Variants in LRRC28 observed in about 807,000 individuals in gnomAD.
LRRC28 encodes the protein leucine-rich repeat-containing protein 28.
In LRRC28, 39 loss-of-function variants were observed where a neutral mutation model predicts 45.7. The ratio of observed to expected loss-of-function variants is 0.85; its 90% CI spans 0.66 to 1.12. The LOEUF (loss-of-function observed/expected upper bound fraction) is 1.12. LRRC28 is among the 50% of genes most tolerant of loss of function. The pLI is 0.00. For synonymous variants in LRRC28, 206 were observed against 178.8 expected, an observed-to-expected ratio of 1.15 and a Z score of -1.22; for missense variants, 435 against 438.5, an observed-to-expected ratio of 0.99 and a Z score of 0.07.
chr15:99,382,248 G>A (rs1957851244), intron 9 of LRRC28, among the ~76,000 whole-genome samples: 1 of 152,192 alleles, frequency 6.6e-6, no homozygotes, highest in African/African-American at 2.4e-5. Flanking sequence ...CCCTCCCCCA[G>A]CCTCACTGCC....
chr15:99,315,236 C>T (rs1955551978), intron 5 of LRRC28, among the ~76,000 whole-genome samples: 2 of 152,168 alleles, frequency 1.3e-5, no homozygotes, highest in African/African-American at 2.4e-5. Flanking sequence ...AGGACAGCAG[C>T]GATCAACAGA....
chr15:99,376,222 A>G (rs1957627272), intron 9 of LRRC28, among the ~76,000 whole-genome samples: 2 of 151,898 alleles, frequency 1.3e-5, no homozygotes, highest in African/African-American at 4.8e-5. Context: ...TGACCTATGG[A>G]AGTGTGGTCA....
At chr15:99,265,511 C>G (rs2081309007) in intron 2 of LRRC28, among the ~76,000 whole-genome samples, 1 of 152,128 alleles carries the variant, frequency 6.6e-6, no homozygotes, top group Non-Finnish European at 1.5e-5. Context: ...ATGACACGGT[C>G]TTAGTGTGCA....
intron 6 of LRRC28, among the ~76,000 whole-genome samples, chr15:99,337,109 G>T (rs1455469098): frequency 6.6e-6 from 1 of 152,160 alleles, no homozygotes; most frequent in African/African-American, 2.4e-5. Flanking sequence ...CTTCACCTTT[G>T]CCTATTCTCC....
intron 2 of LRRC28, among the ~76,000 whole-genome samples, chr15:99,263,428 A>G (rs1328325523): frequency 6.6e-6 from 1 of 152,168 alleles, no homozygotes; most frequent in Non-Finnish European, 1.5e-5. Flanking sequence ...AATGCAATTT[A>G]GGAATTAAGT....
At chr15:99,259,813 G>C in intron 2 of LRRC28, 1 of 907,850 alleles carries the variant, frequency 1.1e-6, no homozygotes. Context: ...TCTTTTACCA[G>C]ACACTAAAGC....
chr15:99,339,934 G>GT (rs1368028302), intron 6 of LRRC28, among the ~76,000 whole-genome samples: 1 of 152,182 alleles, frequency 6.6e-6, no homozygotes, highest in Non-Finnish European at 1.5e-5. Context: ...GTTATTCTGT[G>GT]TATCAAGGAC....
At chr15:99,324,388 T>C (rs1955900275) in intron 5 of LRRC28, among the ~76,000 whole-genome samples, 2 of 152,184 alleles carry the variant, frequency 1.3e-5, no homozygotes, top group African/African-American at 4.8e-5. Context: ...GATTTCTGTA[T>C]GTTCTCAACC....
At chr15:99,265,440 T>C (rs145764187) in intron 2 of LRRC28, among the ~76,000 whole-genome samples, 354 of 152,246 alleles carry the variant, frequency 2.3e-3, no homozygotes, top group African/African-American at 7.8e-3. Flanking sequence ...GAGTAAGCCA[T>C]CTGGGGTATG....
intron 9 of LRRC28, among the ~76,000 whole-genome samples, chr15:99,382,910 T>G (rs1245170510): frequency 3.3e-5 from 5 of 152,118 alleles, no homozygotes; most frequent in Non-Finnish European, 5.9e-5. Flanking sequence ...CCCAATTCTA[T>G]TTTTGGATTT....
chr15:99,258,697 AT>A, intron 2 of LRRC28: 1 of 717,430 alleles, frequency 1.4e-6, no homozygotes, highest in Non-Finnish European at 2.6e-6. Flanking sequence ...TCTGCAAATC[AT>A]TTTCAAAGGA....
chr15:99,360,070 GA>G (rs1031437698), intron 7 of LRRC28, among the ~76,000 whole-genome samples: 4 of 150,134 alleles, frequency 2.7e-5, no homozygotes, highest in South Asian at 2.1e-4. Context: ...ACAAAACAAA[GA>G]AAAAAAAACC....
chr15:99,258,629 T>C (rs532429555), intron 2 of LRRC28: 17 of 752,898 alleles, frequency 2.3e-5, no homozygotes, highest in Non-Finnish European at 4.1e-5. Context: ...AACTTATGAA[T>C]GATATCAAAC....
rs1398938533 is a variant in LRRC28, at chr15:99,390,310, T to G, written c.*4208T>G. ...AAGTATGACTGTATGTGTGGTCCCCTTGTACTTTGGAGACAGAAGGTACTG... is the reference window on the plus strand; with the variant it reads ...AAGTATGACTGTATGTGTGGTCCCCGTGTACTTTGGAGACAGAAGGTACTG... On this transcript the variant is annotated 3_prime_UTR_variant, in exon 10 of 10. Coordinates refer to ENST00000301981, the MANE Select transcript of LRRC28 (RefSeq NM_144598.5). 2 of 152,264 alleles carry G rather than the reference T, an allele frequency of 1.3e-5. No individual in the cohort carries two copies. Among genetic ancestry groups the G allele is most frequent in the Non-Finnish European group, 2.9e-5 (2 of 68,048 alleles). 9.4% of individuals were successfully genotyped at this position (152,264 alleles called of 1,614,324 possible). A position where few individuals can be genotyped will look rare whatever the true frequency, so the allele number is the denominator to read the frequency against.
In LRRC28 at chr15:99,387,091, C is replaced by A. The variant is rs62025385; in HGVS notation, c.*989C>A. On this transcript the variant is annotated 3_prime_UTR_variant, in exon 10 of 10. Coordinates refer to ENST00000301981, the MANE Select transcript of LRRC28 (RefSeq NM_144598.5). The stretch of plus-strand genomic sequence containing the variant: ...TTTTGTTGTTGTTGAGACGGAGTCT[C>A]GCTCTGTCGCCCAGGCTGGAGTGCA... 2 of 151,438 alleles carry A rather than the reference C, an allele frequency of 1.3e-5. No individual in the cohort carries two copies. Among genetic ancestry groups the A allele is most frequent in the Non-Finnish European group, 2.9e-5 (2 of 67,822 alleles). 9.4% of individuals were successfully genotyped at this position (151,438 alleles called of 1,614,324 possible). A position where few individuals can be genotyped will look rare whatever the true frequency, so the allele number is the denominator to read the frequency against.
intron 2 of LRRC28, among the ~76,000 whole-genome samples, chr15:99,272,357 A>C (rs770289418): frequency 4.6e-5 from 7 of 152,184 alleles, no homozygotes; most frequent in Non-Finnish European, 8.8e-5. Flanking sequence ...CAATCTTGTC[A>C]AGGCTTCCTC....
chr15:99,299,377 A>G (rs958494549), intron 5 of LRRC28, among the ~76,000 whole-genome samples: 3 of 152,200 alleles, frequency 2.0e-5, no homozygotes, highest in African/African-American at 4.8e-5. Context: ...TTGTGAAGAA[A>G]AAGTAATAAA....
At chr15:99,289,939 C>CAAAAAAA (rs398028517) in intron 5 of LRRC28, among the ~76,000 whole-genome samples, 1 of 49,714 alleles carries the variant, frequency 2.0e-5, no homozygotes, top group Non-Finnish European at 3.4e-5. Context: ...GACTCCGTCT[C>CAAAAAAA]AAAAAAAAAA....
At chr15:99,251,715 C>T (rs901387530) in intron 1 of LRRC28, 174 bp downstream of exon 1, 1 of 152,284 alleles carries the variant, frequency 6.6e-6, no homozygotes, top group Non-Finnish European at 1.5e-5. Flanking sequence ...TCCTCCCACT[C>T]TGCGGCCCGC....
Sources: gnomAD v4.1 joint callset for allele counts (sites outside exome capture counted in the v4.1 genomes callset) on GRCh38, gnomAD v4.1.1 for gene constraint, MANE v1.5 for transcripts, NCBI Gene and HGNC (gene_info 2026-07-23, HGNC 2026-07-21) for gene names.